The following STK33 variants were observed in gnomAD, a reference collection of about 807,000 sequenced individuals.
STK33 encodes the protein serine/threonine-protein kinase 33.
A neutral mutation model predicts 58.0 loss-of-function variants in STK33; 52 were observed. The observed-to-expected ratio is 0.90, with a 90% CI of 0.72 to 1.13. The LOEUF (loss-of-function observed/expected upper bound fraction) is 1.13. Ranked by LOEUF, STK33 falls within the 50% of genes most tolerant of loss-of-function variation. STK33 has a pLI of 0.00. For missense variants in STK33, 630 were observed against 604.2 expected (o/e 1.04, Z -0.45); for synonymous variants, 215 against 200.1 (o/e 1.07, Z -0.63).
At chr11:8,442,066 C>T (rs927116198) in intron 11 of STK33, among the ~76,000 whole-genome samples, 9 of 122,098 alleles carry the variant, frequency 7.4e-5, no homozygotes, top group African/African-American at 2.7e-4. Flanking sequence ...CACACACACA[C>T]ACTTTTATGA....
At chr11:8,570,795 G>GT (rs1169846861) in intron 1 of STK33, among the ~76,000 whole-genome samples, 3 of 152,152 alleles carry the variant, frequency 2.0e-5, no homozygotes, top group Admixed American at 2.0e-4. Flanking sequence ...TTGTCTGGCA[G>GT]TTTCATGGAT....
chr11:8,584,228 A>T (rs10840079), intron 1 of STK33, among the ~76,000 whole-genome samples: 5 of 151,838 alleles, frequency 3.3e-5, no homozygotes, highest in African/African-American at 1.2e-4. Flanking sequence ...GCAAATAGCT[A>T]TCATACCCTC....
intron 1 of STK33, among the ~76,000 whole-genome samples, chr11:8,577,157 A>G (rs1326523097): frequency 6.6e-6 from 1 of 152,162 alleles, no homozygotes; most frequent in Non-Finnish European, 1.5e-5. Flanking sequence ...AACTATCAAA[A>G]TATGGCAGTA....
intron 8 of STK33, among the ~76,000 whole-genome samples, chr11:8,461,294 C>T (rs1947493551): frequency 6.6e-6 from 1 of 152,030 alleles, no homozygotes; most frequent in Non-Finnish European, 1.5e-5. Context: ...CTGAACAACT[C>T]TAAATAAAAA....
chr11:8,583,710 T>G (rs1409485697), intron 1 of STK33, among the ~76,000 whole-genome samples: 1 of 152,180 alleles, frequency 6.6e-6, no homozygotes, highest in Non-Finnish European at 1.5e-5. Context: ...AGAATAATCA[T>G]ATCCTCTGAA....
intron 1 of STK33, among the ~76,000 whole-genome samples, chr11:8,516,079 C>T (rs531406567): frequency 1.9e-4 from 29 of 152,286 alleles, no homozygotes; most frequent in Non-Finnish European, 1.9e-4. Context: ...TCACATGCAA[C>T]CACAAAAGAC....
At chr11:8,450,116 T>C (rs1204751013) in intron 11 of STK33, among the ~76,000 whole-genome samples, 2 of 152,152 alleles carry the variant, frequency 1.3e-5, no homozygotes, top group African/African-American at 2.4e-5. Flanking sequence ...CTTATGTTTA[T>C]TGCGACACTG....
intron 1 of STK33, among the ~76,000 whole-genome samples, chr11:8,586,354 T>TTACA (rs2031625155): frequency 6.6e-6 from 1 of 152,152 alleles, no homozygotes; most frequent in African/African-American, 2.4e-5. Flanking sequence ...CCTCTAAGAC[T>TTACA]TACATGCTTT....
chr11:8,473,361 A>G (rs1412183369), intron 5 of STK33, 85 bp from the exon 6 acceptor site: 3 of 803,198 alleles, frequency 3.7e-6, no homozygotes, highest in Non-Finnish European at 6.1e-6. Flanking sequence ...AGATAATCTG[A>G]TAACTCTTTA....
At chr11:8,393,939 A>G (rs1256816476) in intron 15 of STK33, among the ~76,000 whole-genome samples, 2 of 152,190 alleles carry the variant, frequency 1.3e-5, no homozygotes, top group African/African-American at 4.8e-5. Flanking sequence ...GAAAGCCTTT[A>G]AAGTGTGCCT....
At chr11:8,524,910 T>C (rs990427544) in intron 1 of STK33, among the ~76,000 whole-genome samples, 6 of 151,992 alleles carry the variant, frequency 3.9e-5, no homozygotes, top group Non-Finnish European at 7.4e-5. Flanking sequence ...TAGATATGTT[T>C]ATAGCATACA....
At chr11:8,461,931 G>T in intron 7 of STK33, 22 bp from the exon 8 acceptor site, 1 of 1,536,422 alleles carries the variant, frequency 6.5e-7, no homozygotes, top group Non-Finnish European at 8.8e-7. Context: ...AAGAAACACA[G>T]ATTTCACATA....
At chr11:8,571,511 T>C (rs1378458738) in intron 1 of STK33, among the ~76,000 whole-genome samples, 1 of 152,128 alleles carries the variant, frequency 6.6e-6, no homozygotes, top group Non-Finnish European at 1.5e-5. Flanking sequence ...GTGAATGTAA[T>C]TACTGTCACT....
chr11:8,478,764 AC>A, intron 2 of STK33, among the ~76,000 whole-genome samples: 1 of 152,040 alleles, frequency 6.6e-6, no homozygotes, highest in East Asian at 1.9e-4. Flanking sequence ...AAAAAAACTT[AC>A]GAATTGTCTG....
intron 14 of STK33, among the ~76,000 whole-genome samples, chr11:8,421,236 TTCACC>T (rs1941879407): frequency 6.6e-6 from 1 of 152,184 alleles, no homozygotes; most frequent in African/African-American, 2.4e-5. Context: ...GCAGAATATA[TTCACC>T]TATATTTCCA....
chr11:8,439,062 T>G (rs569543714), intron 12 of STK33, among the ~76,000 whole-genome samples: 2 of 152,144 alleles, frequency 1.3e-5, no homozygotes, highest in African/African-American at 4.8e-5. Context: ...AGGCAGTGCA[T>G]AGTGAAATCT....
the STK33 span, among the ~76,000 whole-genome samples, chr11:8,342,101 C>T: frequency 1.3e-5 from 2 of 152,202 alleles, no homozygotes; most frequent in East Asian, 1.9e-4. Flanking sequence ...TCCACGGAGG[C>T]GATTCATCGG....
intron 12 of STK33, among the ~76,000 whole-genome samples, chr11:8,438,219 A>G (rs1944315114): frequency 6.6e-6 from 1 of 152,202 alleles, no homozygotes; most frequent in Non-Finnish European, 1.5e-5. Context: ...TGGTTGGTCA[A>G]TCAGCAGCAT....
At chr11:8,448,852 C>T (rs1054275882) in intron 11 of STK33, among the ~76,000 whole-genome samples, 10 of 151,884 alleles carry the variant, frequency 6.6e-5, no homozygotes, top group Admixed American at 2.0e-4. Context: ...AGGCAACCTA[C>T]GGAATGGGAG....
Sources: gnomAD v4.1 joint callset for allele counts (sites outside exome capture counted in the v4.1 genomes callset) on GRCh38, gnomAD v4.1.1 for gene constraint, MANE v1.5 for transcripts, NCBI Gene and HGNC (gene_info 2026-07-23, HGNC 2026-07-21) for gene names.